The following LAIR1 variants were observed in gnomAD, a reference collection of about 807,000 sequenced individuals.
LAIR1 encodes leukocyte associated immunoglobulin like receptor 1.
A neutral mutation model predicts 32.8 loss-of-function variants in LAIR1; 24 were observed. That is an observed-to-expected ratio of 0.73 (90% confidence interval 0.53 to 1.03). The LOEUF (loss-of-function observed/expected upper bound fraction) is 1.03, where lower values mean the gene tolerates loss of function less well. LAIR1 is among the 50% of genes least tolerant of loss of function. LAIR1 has a pLI of 0.00. For missense variants in LAIR1, 355 were observed against 347.5 expected (o/e 1.02, Z -0.17); for synonymous variants, 150 against 140.5 (o/e 1.07, Z -0.48).
intron 4 of LAIR1, chr19:54,357,293 C>T (rs954905764): frequency 6.8e-6 from 2 of 293,878 alleles, no homozygotes; most frequent in South Asian, 8.5e-5. Flanking sequence ...GCAGATACAG[C>T]GCGTTTCCTG....
chr19:54,360,899 C>A lies in LAIR1; in HGVS notation c.364+17G>T. The A allele has an allele frequency of 6.2e-7, 1 of 1,603,632 alleles. No individual in the cohort carries two copies. Among genetic ancestry groups the A allele is most frequent in the East Asian group, 2.2e-5 (1 of 44,760 alleles). Reference sequence around the variant, plus strand: ...GGTCGAGCTGAGACTGGGGCAGGGCCCAGGTGACGTCCTCACCTTTCACCA... The same window carrying A: ...GGTCGAGCTGAGACTGGGGCAGGGCACAGGTGACGTCCTCACCTTTCACCA... On this transcript the variant is annotated intron_variant, in intron 3 of 9. Coordinates refer to ENST00000391742, the MANE Select transcript of LAIR1 (RefSeq NM_002287.6).
upstream of LAIR1, among the ~76,000 whole-genome samples, chr19:54,366,106 G>A (rs1439544033): frequency 7.2e-5 from 11 of 152,116 alleles, no homozygotes; most frequent in Non-Finnish European, 5.9e-5. Flanking sequence ...TGGTGGTTAC[G>A]GGGGCTGGGA....
chr19:54,356,332 A>G, intron 7 of LAIR1, 24 bp downstream of exon 7: 4 of 1,599,806 alleles, frequency 2.5e-6, no homozygotes, highest in African/African-American at 1.3e-5. Flanking sequence ...GTGGAGGTCC[A>G]GGAGTCATTC....
Position 54,356,395 on chromosome 19 carries a change from G to T in LAIR1, c.587C>A (p.Pro196His), listed in dbSNP as rs755140064. The T allele has an allele frequency of 8.2e-6, 13 of 1,592,506 alleles. No individual in the cohort carries two copies. The highest frequency in any genetic ancestry group is 1.3e-5 in the African/African-American group (1 of 74,104). The change falls in exon 7 of 10, where the codon CCC (proline) becomes CAC (histidine). Residue 196 changes from proline to histidine, a missense_variant. Coordinates refer to ENST00000391742, the MANE Select transcript of LAIR1 (RefSeq NM_002287.6). ...LHRQNQIKQG[P>H]PRSKDEEQKP... ...CTGCTCCTCGTCCTTGCTTCTGGGG[G>T]GCCCTAAGGACAGTCGGGGTGTGAA...
rs771359011 is a variant in LAIR1 at position 54,361,166 on chromosome 19, C to A, written c.114G>T (p.Val38=). 3 of 1,614,214 alleles carry A rather than the reference C, an allele frequency of 1.9e-6. No individual in the cohort carries two copies. In the East Asian group the frequency reaches 6.7e-5, roughly 36 times the overall value. ...AAGTCACATGGCTCCCCAGGGGGAT[C>A]ACGGTGCCTGGCTCAGCCGAGATGG... ...RPSISAEPGT[V]IPLGSHVTFV... Residue 38 remains valine, a synonymous_variant, in exon 3 of 10, where the codon GTG becomes GTT. Coordinates refer to ENST00000391742, the MANE Select transcript of LAIR1 (RefSeq NM_002287.6).
chr19:54,375,748 G>A, the LAIR1 span, among the ~76,000 whole-genome samples: 23 of 151,058 alleles, frequency 1.5e-4, 1 homozygote, highest in South Asian at 4.1e-4. Flanking sequence ...GAAAACATAC[G>A]TTTCCAGGCG....
chr19:54,363,676 CT>C (rs1226583216), intron 2 of LAIR1, among the ~76,000 whole-genome samples: 1 of 152,178 alleles, frequency 6.6e-6, no homozygotes, highest in Non-Finnish European at 1.5e-5. Context: ...GGACGTTAGG[CT>C]AAGTGAAATA....
At chr19:54,375,258 A>G (rs111992732), upstream of LAIR1, among the ~76,000 whole-genome samples, 387 of 152,148 alleles carry the variant, frequency 2.5e-3, no homozygotes, top group African/African-American at 9.0e-3. Flanking sequence ...CCCAGCCCCA[A>G]TCCCTCAATC....
chr19:54,364,693 C>G lies in LAIR1; in HGVS notation c.34+78G>C, dbSNP rs1372331538. 1.0e-5 allele frequency: 13 copies of G among 1,241,428 alleles called. No individual in the cohort carries two copies. In the East Asian group the frequency reaches 2.8e-4, roughly 27 times the overall value. The allele number at this position is 1,241,428 out of a possible 1,614,324, so 76.9% of individuals were successfully genotyped here. ...ACTTTCCTCCCCAGAATCTTCTGGA[C>G]TAGAGTCAGGCTTGAGCAGGGAATT... is the stretch of plus-strand genomic sequence containing the variant. On this transcript the variant is annotated intron_variant, in intron 1 of 9. Transcript: ENST00000391742. The surrounding 1 kb of genome is among the most constrained non-coding windows in gnomAD (Gnocchi z 4.8).
At position 54,356,964 on chromosome 19, in the gene LAIR1, G is replaced by A. The variant is rs980572623; in HGVS notation, c.418C>T (p.Pro140Ser). Residue 140 changes from proline to serine, a missense_variant and splice_region_variant, in exon 5 of 10, where the codon CCC (proline) becomes TCC (serine). Pro to Ser is a moderately conservative substitution (Grantham distance 74). Transcript: ENST00000391742. ...CTGTTGTCCGACGGCCTCTGCGTGGGTCCTGGGAGGGAGGAATCAGAAGGA... is the reference window on the plus strand; with the variant it reads ...CTGTTGTCCGACGGCCTCTGCGTGGATCCTGGGAGGGAGGAATCAGAAGGA... ...PDTEPGSSAGPTQRPSDNSHN... is the reference protein window; with the variant it reads ...PDTEPGSSAGSTQRPSDNSHN... The A allele has an allele frequency of 3.1e-6, 5 of 1,613,854 alleles. No homozygotes were observed. The highest frequency in any genetic ancestry group is 3.3e-5 in the Admixed American group (2 of 59,972).
intron 2 of LAIR1, among the ~76,000 whole-genome samples, chr19:54,361,872 A>G (rs940842607): frequency 2.0e-5 from 3 of 152,120 alleles, no homozygotes; most frequent in African/African-American, 7.2e-5. Context: ...CTTCTTATTA[A>G]GGCTCTTGAA....
At chr19:54,359,380 T>A (rs2081894943) in intron 4 of LAIR1, among the ~76,000 whole-genome samples, 1 of 151,664 alleles carries the variant, frequency 6.6e-6, no homozygotes, top group Non-Finnish European at 1.5e-5. Flanking sequence ...CAGAGCCAGA[T>A]GGAAGGGAAG....
rs1204544725 is a variant in LAIR1 at position 54,356,488 on chromosome 19, T to C, written c.583+3A>G. ...GTCACCCCACCCTGCCCCTGAGACC[T>C]ACCCTGCTTTATCTGATTCTGGCGA... On this transcript the variant is annotated splice_donor_region_variant and intron_variant, in intron 6 of 9. Transcript: ENST00000391742. The C allele has an allele frequency of 1.2e-6, 2 of 1,613,820 alleles. No homozygotes were observed. Among genetic ancestry groups the C allele is most frequent in the African/African-American group, 2.7e-5 (2 of 74,942 alleles).
chr19:54,361,686 T>A (rs534963132), intron 2 of LAIR1, among the ~76,000 whole-genome samples: 1 of 140,616 alleles, frequency 7.1e-6, no homozygotes, highest in Admixed American at 7.1e-5. Flanking sequence ...GGACGGGGGT[T>A]GCCAGGCTCC....
At chr19:54,368,295 G>T (rs1458468652), upstream of LAIR1, 1 of 152,130 alleles carries the variant, frequency 6.6e-6, no homozygotes, top group South Asian at 2.1e-4. Flanking sequence ...TCATAAGAAT[G>T]ATTTCAAATC....
chr19:54,370,565 G>A (rs2082379634), upstream of LAIR1: 1 of 348,888 alleles, frequency 2.9e-6, no homozygotes, highest in African/African-American at 2.2e-5. Flanking sequence ...ACCAGGGTCA[G>A]GAACGGAGCA....
In LAIR1 at chr19:54,356,015, G is replaced by A. The variant is rs116304014; in HGVS notation, c.665-9C>T. 3.1e-6 allele frequency: 5 copies of A among 1,604,744 alleles called. No homozygotes were observed. Among genetic ancestry groups the A allele is most frequent in the African/African-American group, 1.3e-5 (1 of 74,660 alleles). ...ATTGACTGTGGCCTTGTCTTGGGGA[G>A]AAAATACATGGTCAGTTTTCTGGGG... On this transcript the variant is annotated splice_polypyrimidine_tract_variant and intron_variant, in intron 8 of 9. Transcript: ENST00000391742.
At position 54,356,373 on chromosome 19, in the gene LAIR1, C is replaced by T. The variant is rs753401497; in HGVS notation, c.609G>A (p.Glu203=). 8.0e-5 allele frequency: 128 copies of T among 1,591,510 alleles called. No homozygotes were observed. Among genetic ancestry groups the T allele is most frequent in the Non-Finnish European group, 1.0e-4 (118 of 1,169,192 alleles). Residue 203 remains glutamate (E), a synonymous_variant, in exon 7 of 10, where the codon GAG becomes GAA. Transcript: ENST00000391742. ...KQGPPRSKDE[E]QKPQQRPDLA... ...GGCCTCACCTCTGCTGTGGCTTCTG[C>T]TCCTCGTCCTTGCTTCTGGGGGGCC...
rs1250491127 is a variant in LAIR1, at chr19:54,357,005, C to T, written c.416-39G>A. The stretch of plus-strand genomic sequence containing the variant: ...ATCAGAAGGAGGAGGAGTTAGAGTC[C>T]TGAGCTGGACAGAGAAGGCTCTGAG... On this transcript the variant is annotated intron_variant, in intron 4 of 9. Transcript: ENST00000391742. 2.5e-6 allele frequency: 4 copies of T among 1,600,080 alleles called. No individual in the cohort carries two copies. The South Asian group carries it at 4.4e-5, about 18-fold the overall frequency.
Sources: allele counts gnomAD v4.1 joint callset (sites outside exome capture counted in the v4.1 genomes callset), GRCh38; gene constraint gnomAD v4.1.1; non-coding constraint Gnocchi (gnomAD v3.1); transcripts MANE v1.5; gene names NCBI Gene and HGNC (gene_info 2026-07-23, HGNC 2026-07-21).